Variants in NXPE2 observed in about 807,000 individuals in gnomAD.
The protein encoded by NXPE2 is neurexophilin and PC-esterase domain family member 2, also known as NXPE family member 2.
A neutral mutation model predicts 34.4 loss-of-function variants in NXPE2; 34 were observed. The observed-to-expected ratio is 0.99, with a 90% CI of 0.75 to 1.31. NXPE2 has a LOEUF of 1.31. NXPE2 is among the 40% of genes most tolerant of loss of function. The pLI is 0.00. For missense variants in NXPE2, 649 were observed against 672.5 expected (o/e 0.97, Z 0.39); for synonymous variants, 235 against 231.3 (o/e 1.02, Z -0.15).
At chr11:114,565,664 T>G in the NXPE2 span, among the ~76,000 whole-genome samples, 6 of 151,760 alleles carry the variant, frequency 4.0e-5, no homozygotes, top group African/African-American at 1.5e-4. Context: ...AAAACTTATC[T>G]GAGATTGGAA....
the NXPE2 span, among the ~76,000 whole-genome samples, chr11:114,625,803 G>C: frequency 3.3e-5 from 5 of 152,110 alleles, no homozygotes; most frequent in Non-Finnish European, 5.9e-5. Flanking sequence ...AGTGGGTGCA[G>C]GTCAGTGGGT....
chr11:114,710,512 A>G (rs557694773), downstream of NXPE2, among the ~76,000 whole-genome samples: 2 of 152,320 alleles, frequency 1.3e-5, no homozygotes, highest in Non-Finnish European at 2.9e-5. Flanking sequence ...ATAAATTCAT[A>G]GAAACATACA....
At position 114,706,507 on chromosome 11, in the gene NXPE2, CA is replaced by C; in HGVS notation, c.1263del (p.Lys421AsnfsTer5). On this transcript the variant is annotated frameshift_variant, in exon 6 of 6. Coordinates refer to ENST00000389586, the MANE Select transcript of NXPE2 (RefSeq NM_182495.6). LOFTEE classifies it low-confidence loss of function (END_TRUNC). ...WKKHGHPFVT[K>X]KLFSVKDENY... ...AAAAACATGGTCATCCATTTGTTAC[CA>C]AAAAATTATTCTCAGTGAAAGATGA... is the stretch of plus-strand genomic sequence containing the variant. 1.9e-6 allele frequency: 3 copies of C among 1,551,580 alleles called. No homozygotes were observed. The highest frequency in any genetic ancestry group is 2.6e-6 in the Non-Finnish European group (3 of 1,146,902).
chr11:114,663,413 G>C, the NXPE2 span, among the ~76,000 whole-genome samples: 1 of 152,096 alleles, frequency 6.6e-6, no homozygotes, highest in Non-Finnish European at 1.5e-5. Context: ...CAAAAAACGG[G>C]TGTGGGTTTA....
the NXPE2 span, among the ~76,000 whole-genome samples, chr11:114,614,598 T>A: frequency 6.6e-6 from 1 of 152,088 alleles, no homozygotes; most frequent in South Asian, 2.1e-4. Context: ...ATAGTAAGCG[T>A]TGCCTCGTGG....
At chr11:114,470,602 T>TGTGG in the NXPE2 span, among the ~76,000 whole-genome samples, 1 of 146,510 alleles carries the variant, frequency 6.8e-6, no homozygotes, top group South Asian at 2.1e-4. Context: ...TGTGTGTGTG[T>TGTGG]GTGTGTGTGT....
the NXPE2 span, among the ~76,000 whole-genome samples, chr11:114,797,603 T>A: frequency 6.6e-6 from 1 of 152,216 alleles, no homozygotes; most frequent in Non-Finnish European, 1.5e-5. Flanking sequence ...TCAACACATG[T>A]TGTCTCAGCA....
At chr11:114,637,542 C>T in the NXPE2 span, among the ~76,000 whole-genome samples, 1 of 150,818 alleles carries the variant, frequency 6.6e-6, no homozygotes, top group Admixed American at 6.6e-5. Flanking sequence ...TTAGTTGATA[C>T]AGTTTCTTCC....
the NXPE2 span, among the ~76,000 whole-genome samples, chr11:114,798,160 C>T: frequency 2.6e-5 from 4 of 152,162 alleles, no homozygotes; most frequent in Non-Finnish European, 5.9e-5. Context: ...ACCTATTTCA[C>T]TAGGAAAATG....
At chr11:114,624,733 C>T in the NXPE2 span, among the ~76,000 whole-genome samples, 2,412 of 152,166 alleles carry the variant, frequency 0.016, 26 homozygotes, top group Non-Finnish European at 0.022. Context: ...ATAAGTATTG[C>T]CTCCAGGGTA....
the NXPE2 span, among the ~76,000 whole-genome samples, chr11:114,465,858 G>A: frequency 3.3e-5 from 5 of 152,012 alleles, no homozygotes; most frequent in African/African-American, 4.8e-5. Context: ...ACTTAACAAC[G>A]GCATGGCGCA....
the NXPE2 span, among the ~76,000 whole-genome samples, chr11:114,507,153 C>T: frequency 1.3e-5 from 2 of 151,252 alleles, no homozygotes; most frequent in Admixed American, 1.3e-4. Context: ...GACACATACA[C>T]ACTCCCAAGA....
chr11:114,732,239 A>C, the NXPE2 span, among the ~76,000 whole-genome samples: 1 of 152,218 alleles, frequency 6.6e-6, no homozygotes, highest in African/African-American at 2.4e-5. Context: ...CATTGTAGTC[A>C]GTTCCCTCCC....
At chr11:114,541,110 G>A in the NXPE2 span, among the ~76,000 whole-genome samples, 1 of 152,042 alleles carries the variant, frequency 6.6e-6, no homozygotes, top group African/African-American at 2.4e-5. Context: ...GGTTGGGTCA[G>A]TTTGCAGTTT....
chr11:114,607,351 G>A, the NXPE2 span, among the ~76,000 whole-genome samples: 1 of 152,000 alleles, frequency 6.6e-6, no homozygotes, highest in Non-Finnish European at 1.5e-5. Flanking sequence ...ATTGCCTCGT[G>A]GGTAACCACT....
At chr11:114,749,310 C>T in the NXPE2 span, among the ~76,000 whole-genome samples, 5 of 152,252 alleles carry the variant, frequency 3.3e-5, no homozygotes, top group Non-Finnish European at 5.9e-5. Flanking sequence ...CACACACATA[C>T]ATTTATGTAT....
At chr11:114,725,972 A>ATATATATATATATATATATATATATATAT in the NXPE2 span, among the ~76,000 whole-genome samples, 2 of 14,248 alleles carry the variant, frequency 1.4e-4, no homozygotes, top group African/African-American at 2.6e-4. Context: ...TATAATAAAA[A>ATATATATATATATATATATATATATATAT]AAAAATATAT....
At chr11:114,787,613 T>C in the NXPE2 span, among the ~76,000 whole-genome samples, 2 of 152,016 alleles carry the variant, frequency 1.3e-5, no homozygotes, top group Non-Finnish European at 2.9e-5. Context: ...GGCTGGGGAG[T>C]TGGAGAGAGG....
the NXPE2 span, among the ~76,000 whole-genome samples, chr11:114,539,646 A>C: frequency 1.3e-5 from 2 of 152,202 alleles, no homozygotes; most frequent in East Asian, 3.8e-4. Context: ...GGGAGATGGA[A>C]TCTGATTAAC....
Sources: allele counts gnomAD v4.1 joint callset (sites outside exome capture counted in the v4.1 genomes callset), GRCh38; gene constraint gnomAD v4.1.1; transcripts MANE v1.5; gene names NCBI Gene and HGNC (gene_info 2026-07-23, HGNC 2026-07-21).